Variants in ACTR3C observed in about 807,000 individuals in gnomAD.
The protein encoded by ACTR3C is actin-related protein 3C.
A neutral mutation model predicts 26.3 loss-of-function variants in ACTR3C; 18 were observed. That is an observed-to-expected ratio of 0.68 (90% CI 0.47 to 1.01). The LOEUF is 1.01. ACTR3C is among the 50% of genes least tolerant of loss of function. ACTR3C has a pLI of 0.00. For missense variants in ACTR3C, 184 were observed against 250.7 expected, an observed-to-expected ratio of 0.73 and a Z score of 1.80; for synonymous variants, 55 against 94.5, an observed-to-expected ratio of 0.58 and a Z score of 2.42.
chr7:150,038,316 G>C, the ACTR3C span, among the ~76,000 whole-genome samples: 61 of 144,618 alleles, frequency 4.2e-4, 8 homozygotes, highest in African/African-American at 1.6e-3. Context: ...GGGCCCCACA[G>C]TTTGGGTTAA....
chr7:150,284,936 A>G, intron 5 of ACTR3C, 91 bp from the exon 6 acceptor site: 1 of 1,154,930 alleles, frequency 8.7e-7, no homozygotes, highest in South Asian at 1.9e-5. Context: ...TAACAAATAT[A>G]CAATTTATTA....
At chr7:150,302,429 A>G (rs890591627) in intron 1 of ACTR3C, among the ~76,000 whole-genome samples, 5 of 152,050 alleles carry the variant, frequency 3.3e-5, no homozygotes, top group Admixed American at 6.6e-5. Flanking sequence ...TGTATGCACA[A>G]AGATTACATT....
chr7:150,020,022 T>C, the ACTR3C span, among the ~76,000 whole-genome samples: 5 of 152,258 alleles, frequency 3.3e-5, no homozygotes, highest in East Asian at 5.8e-4. Context: ...CTATGGAGTA[T>C]TGTGTCTAGT....
chr7:150,145,182 G>A, the ACTR3C span, among the ~76,000 whole-genome samples: 2 of 152,108 alleles, frequency 1.3e-5, no homozygotes. Flanking sequence ...TGCTAACTTG[G>A]GCATAAGCCA....
intron 6 of ACTR3C, among the ~76,000 whole-genome samples, chr7:150,255,290 G>T (rs1412658690): frequency 2.8e-5 from 4 of 141,988 alleles, no homozygotes; most frequent in Non-Finnish European, 4.5e-5. Context: ...TTCTCTTATG[G>T]AGCAGGATAA....
At chr7:150,037,016 C>T in the ACTR3C span, among the ~76,000 whole-genome samples, 54 of 85,822 alleles carry the variant, frequency 6.3e-4, 10 homozygotes, top group African/African-American at 2.4e-3. Context: ...GATGGGGGTA[C>T]CAACAGCCAG....
the ACTR3C span, among the ~76,000 whole-genome samples, chr7:150,140,697 C>A: frequency 6.6e-6 from 1 of 152,138 alleles, no homozygotes; most frequent in East Asian, 1.9e-4. Context: ...TGAACTTGGG[C>A]CAGCTAATCA....
At chr7:150,165,577 A>G in the ACTR3C span, among the ~76,000 whole-genome samples, 18 of 152,182 alleles carry the variant, frequency 1.2e-4, no homozygotes, top group African/African-American at 4.1e-4. Flanking sequence ...TCCCACCACA[A>G]ATAGGCTCTG....
downstream of ACTR3C, chr7:150,245,269 C>T (rs1334476703): frequency 9.2e-5 from 14 of 152,240 alleles, no homozygotes; most frequent in Admixed American, 9.2e-4. Context: ...GGTTGAGAAC[C>T]TAGGAGCATT....
At chr7:150,157,997 G>T in the ACTR3C span, among the ~76,000 whole-genome samples, 1 of 152,114 alleles carries the variant, frequency 6.6e-6, no homozygotes, top group African/African-American at 2.4e-5. Flanking sequence ...CAATAGTAAA[G>T]AATCAAATAA....
At chr7:150,260,422 T>C (rs1021526462) in intron 6 of ACTR3C, among the ~76,000 whole-genome samples, 3 of 152,206 alleles carry the variant, frequency 2.0e-5, no homozygotes, top group Non-Finnish European at 4.4e-5. Context: ...TTGGAGTAGA[T>C]AGTTTCTTTA....
the ACTR3C span, among the ~76,000 whole-genome samples, chr7:150,149,091 A>G: frequency 0.13 from 3,902 of 29,122 alleles, 287 homozygotes; most frequent in Non-Finnish European, 0.19. Context: ...ATATATATAT[A>G]TATATATATA....
the ACTR3C span, among the ~76,000 whole-genome samples, chr7:150,140,369 C>T: frequency 2.0e-5 from 3 of 152,066 alleles, no homozygotes; most frequent in South Asian, 2.1e-4. Context: ...TAAAATTATG[C>T]GTACACAAGG....
At chr7:150,180,975 A>T in the ACTR3C span, among the ~76,000 whole-genome samples, 3 of 151,486 alleles carry the variant, frequency 2.0e-5, no homozygotes, top group Non-Finnish European at 4.4e-5. Context: ...TAATGTTTTA[A>T]CTAGTATTTC....
chr7:149,904,534 A>AAC, the ACTR3C span, among the ~76,000 whole-genome samples: 9 of 97,346 alleles, frequency 9.2e-5, 1 homozygote, highest in African/African-American at 2.5e-4. Flanking sequence ...CCATCTCAAA[A>AAC]AACAACAACA....
the ACTR3C span, among the ~76,000 whole-genome samples, chr7:150,211,638 G>C: frequency 1.3e-5 from 2 of 149,724 alleles, no homozygotes; most frequent in Non-Finnish European, 2.9e-5. Context: ...GACCCTGAAG[G>C]CTGGTTGAAT....
chr7:150,039,686 G>C, the ACTR3C span, among the ~76,000 whole-genome samples: 1 of 122,650 alleles, frequency 8.2e-6, no homozygotes, highest in Non-Finnish European at 1.8e-5. Flanking sequence ...AACGATGGGG[G>C]GTCCTAAGCC....
At chr7:150,060,438 T>C in the ACTR3C span, among the ~76,000 whole-genome samples, 1 of 152,216 alleles carries the variant, frequency 6.6e-6, no homozygotes, top group Non-Finnish European at 1.5e-5. Context: ...TTACTGCTTC[T>C]CTTTCCCACC....
chr7:150,102,549 G>A, the ACTR3C span, among the ~76,000 whole-genome samples: 1 of 151,468 alleles, frequency 6.6e-6, no homozygotes, highest in Non-Finnish European at 1.5e-5. Flanking sequence ...CCTCTTTTTG[G>A]TCTTATTTTC....
Sources: gnomAD v4.1 joint callset for allele counts (sites outside exome capture counted in the v4.1 genomes callset) on GRCh38, gnomAD v4.1.1 for gene constraint, MANE v1.5 for transcripts, NCBI Gene and HGNC (gene_info 2026-07-23, HGNC 2026-07-21) for gene names.